NELL1: variants seen among roughly 807,000 people sequenced by gnomAD.
The protein encoded by NELL1 is protein kinase C-binding protein NELL1.
NELL1 carries 76 observed loss-of-function variants against 107.4 expected under a neutral mutation model. The ratio of observed to expected loss-of-function variants is 0.71; its 90% CI spans 0.59 to 0.86. The LOEUF is 0.86. Among genes scored for constraint, NELL1 ranks in the 40% least tolerant of loss-of-function variants. The probability of loss-of-function intolerance (pLI) is 0.00; values close to 1 mark genes in which losing one functional copy is unlikely to be tolerated. For missense variants in NELL1, 1,024 were observed against 1,005.5 expected (o/e 1.02, Z -0.25); for synonymous variants, 353 against 341.2 (o/e 1.03, Z -0.38).
At chr11:21,197,219 T>G (rs1857174268) in intron 13 of NELL1, among the ~76,000 whole-genome samples, 1 of 150,866 alleles carries the variant, frequency 6.6e-6, no homozygotes, top group African/African-American at 2.4e-5. Flanking sequence ...TTTTTTTAAC[T>G]AAAGGAGAAA....
intron 12 of NELL1, among the ~76,000 whole-genome samples, chr11:20,984,653 C>T (rs951819763): frequency 2.0e-5 from 3 of 151,854 alleles, no homozygotes; most frequent in African/African-American, 7.3e-5. Flanking sequence ...GGCCGGGCAT[C>T]TGCATGACTC....
At chr11:21,098,277 G>A (rs376655522) in intron 12 of NELL1, among the ~76,000 whole-genome samples, 1 of 151,928 alleles carries the variant, frequency 6.6e-6, no homozygotes, top group East Asian at 1.9e-4. Context: ...CTTGTGTCAC[G>A]ACCTTTTCTA....
intron 3 of NELL1, among the ~76,000 whole-genome samples, chr11:20,817,132 A>G (rs927330055): frequency 6.6e-6 from 1 of 152,134 alleles, no homozygotes; most frequent in Non-Finnish European, 1.5e-5. Flanking sequence ...AGATGTTGGT[A>G]TCAGGGTGAT....
intron 15 of NELL1, among the ~76,000 whole-genome samples, chr11:21,493,092 A>G (rs1854874246): frequency 6.6e-6 from 1 of 152,074 alleles, no homozygotes; most frequent in Non-Finnish European, 1.5e-5. Context: ...AAAGCAACAG[A>G]TGATAGTGAG....
intron 4 of NELL1, among the ~76,000 whole-genome samples, chr11:20,879,241 G>GT (rs1176654981): frequency 1.3e-5 from 2 of 152,160 alleles, no homozygotes; most frequent in Admixed American, 1.3e-4. Flanking sequence ...GGAAGCTACC[G>GT]TGTCACATGC....
chr11:21,213,350 G>A (rs1430380392), intron 13 of NELL1, among the ~76,000 whole-genome samples: 1 of 152,058 alleles, frequency 6.6e-6, no homozygotes, highest in Admixed American at 6.6e-5. Flanking sequence ...ATTCCAACAA[G>A]CTTAATCTGA....
chr11:20,924,842 T>A (rs1334417287), intron 7 of NELL1, among the ~76,000 whole-genome samples: 1 of 152,230 alleles, frequency 6.6e-6, no homozygotes, highest in Non-Finnish European at 1.5e-5. Flanking sequence ...AGATAAGTGA[T>A]AAGTTGTTAC....
chr11:20,755,992 A>G (rs751833937), intron 2 of NELL1, among the ~76,000 whole-genome samples: 31 of 148,084 alleles, frequency 2.1e-4, no homozygotes, highest in Admixed American at 4.8e-4. Context: ...TGCCGGGTTC[A>G]TGCCATTTTC....
At position 21,299,519 on chromosome 11, in the gene NELL1, G is replaced by A. The variant is rs1307848509; in HGVS notation, c.1549+70065G>A. On this transcript the variant is annotated intron_variant, in intron 14 of 19. Transcript: ENST00000357134. ...ACATTTTATTGTCTTATATGTGTGT[G>A]TGTGTGTGTGTGTGTGTGTGTGTGT... is the stretch of plus-strand genomic sequence containing the variant. 6.4e-3 allele frequency among the ~76,000 whole-genome samples: 280 copies of A among 43,436 alleles called. 1 individual carries two copies. Among genetic ancestry groups the A allele is most frequent in the African/African-American group, 0.014 (268 of 18,628 alleles). 28.5% of individuals were successfully genotyped at this position (43,436 alleles called of 152,430 possible).
At chr11:21,463,013 G>A (rs1338111832) in intron 15 of NELL1, among the ~76,000 whole-genome samples, 1 of 151,552 alleles carries the variant, frequency 6.6e-6, no homozygotes, top group Non-Finnish European at 1.5e-5. Context: ...TTCAAAATAG[G>A]TTCCTTGAAA....
At chr11:20,692,027 C>T (rs1419953388) in intron 2 of NELL1, among the ~76,000 whole-genome samples, 9 of 151,744 alleles carry the variant, frequency 5.9e-5, no homozygotes, top group South Asian at 2.1e-4. Context: ...GTGTATGTGT[C>T]GAGGAATTTA....
At chr11:21,507,644 C>CA (rs1855316703) in intron 15 of NELL1, among the ~76,000 whole-genome samples, 1 of 149,750 alleles carries the variant, frequency 6.7e-6, no homozygotes. Context: ...AGAATGTATG[C>CA]AGTTAGGAAA....
intron 12 of NELL1, among the ~76,000 whole-genome samples, chr11:21,041,776 G>A (rs1853238920): frequency 6.6e-6 from 1 of 152,142 alleles, no homozygotes; most frequent in Non-Finnish European, 1.5e-5. Context: ...AATAATTATG[G>A]GTCTTACACA....
intron 12 of NELL1, among the ~76,000 whole-genome samples, chr11:20,986,185 G>C (rs1460028735): frequency 6.6e-6 from 1 of 152,116 alleles, no homozygotes; most frequent in Non-Finnish European, 1.5e-5. Flanking sequence ...TTACAAGCCA[G>C]GGAGCCTTCA....
At chr11:20,997,525 T>C (rs1041530160) in intron 12 of NELL1, among the ~76,000 whole-genome samples, 3 of 152,208 alleles carry the variant, frequency 2.0e-5, no homozygotes, top group African/African-American at 4.8e-5. Context: ...GTTTAGGTAA[T>C]AGTGATGTGC....
chr11:21,560,655 T>A (rs1054219532), intron 17 of NELL1, among the ~76,000 whole-genome samples: 2 of 152,200 alleles, frequency 1.3e-5, no homozygotes, highest in East Asian at 3.9e-4. Flanking sequence ...GTCCTCCCAC[T>A]GAAAGCCTAC....
chr11:21,002,664 G>A lies in NELL1; in HGVS notation c.1300+42104G>A, dbSNP rs547885511. ...AAATATGGCAGAAAGAGGTTCTCTTGTCTAGGGTTCTGCTTTACTGAGAGA... is the reference window on the plus strand; with the variant it reads ...AAATATGGCAGAAAGAGGTTCTCTTATCTAGGGTTCTGCTTTACTGAGAGA... On this transcript the variant is annotated intron_variant, in intron 12 of 19. Coordinates refer to ENST00000357134, the MANE Select transcript of NELL1 (RefSeq NM_006157.5). Among the ~76,000 whole-genome samples the A allele has an allele frequency of 1.0e-3, 154 of 152,236 alleles. 1 individual carries two copies. Among genetic ancestry groups the A allele is most frequent in the African/African-American group, 3.4e-3 (140 of 41,540 alleles).
chr11:21,395,617 T>A (rs1400728070), intron 15 of NELL1, among the ~76,000 whole-genome samples: 1 of 151,614 alleles, frequency 6.6e-6, no homozygotes, highest in Non-Finnish European at 1.5e-5. Flanking sequence ...AATTTCTTCA[T>A]GATACAGTGG....
intron 12 of NELL1, among the ~76,000 whole-genome samples, chr11:20,961,879 A>G (rs1270100317): frequency 1.3e-5 from 2 of 152,114 alleles, no homozygotes; most frequent in East Asian, 3.9e-4. Flanking sequence ...TCCCTGCTTA[A>G]CTTTTTGGCT....
Sources: allele counts gnomAD v4.1 joint callset (sites outside exome capture counted in the v4.1 genomes callset), GRCh38; gene constraint gnomAD v4.1.1; transcripts MANE v1.5; gene names NCBI Gene and HGNC (gene_info 2026-07-23, HGNC 2026-07-21).